MTSS1: variants seen among roughly 807,000 people sequenced by gnomAD.
MTSS1 encodes MTSS I-BAR domain containing 1, also known as protein MTSS 1.
In MTSS1, 18 loss-of-function variants were observed where a neutral mutation model predicts 79.0. The ratio of observed to expected loss-of-function variants is 0.23; its 90% CI spans 0.16 to 0.34. MTSS1 has a LOEUF of 0.34. MTSS1 is among the 10% of genes least tolerant of loss of function. The pLI, the probability that MTSS1 is intolerant of heterozygous loss-of-function variation, is 1.00. For missense variants in MTSS1, 815 were observed against 986.2 expected, an observed-to-expected ratio of 0.83 and a Z score of 2.33; for synonymous variants, 341 against 368.6, an observed-to-expected ratio of 0.93 and a Z score of 0.86.
At chr8:124,718,761 C>T (rs1035814614) in intron 1 of MTSS1, among the ~76,000 whole-genome samples, 1 of 152,154 alleles carries the variant, frequency 6.6e-6, no homozygotes, top group South Asian at 2.1e-4. Context: ...TGGAGCGACC[C>T]TTGACAGAGG....
chr8:124,552,681 G>T lies in MTSS1; in HGVS notation c.*311C>A. On this transcript the variant is annotated 3_prime_UTR_variant, in exon 14 of 14. Coordinates refer to ENST00000518547, the MANE Select transcript of MTSS1 (RefSeq NM_014751.6). ...GTTCCCCTGCCCCAACCCCCTTTAT[G>T]CATTTAAAATTTTACAAAGACTTGT... 3.1e-6 allele frequency: 1 copy of T among 325,320 alleles called. No individual in the cohort carries two copies. Among genetic ancestry groups the T allele is most frequent in the East Asian group, 5.7e-5 (1 of 17,400 alleles). The allele number at this position is 325,320 out of a possible 1,614,324, so 20.2% of individuals were successfully genotyped here. A position where few individuals can be genotyped will look rare whatever the true frequency, so the allele number is the denominator to read the frequency against.
chr8:124,699,754 C>CT (rs1403215582), intron 2 of MTSS1, among the ~76,000 whole-genome samples, 155 bp from the exon 3 acceptor site: 4 of 152,340 alleles, frequency 2.6e-5, no homozygotes, highest in African/African-American at 9.6e-5. Context: ...GCTGAACCCA[C>CT]TTTTTTCCAA....
chr8:124,553,180 C>T lies in MTSS1; in HGVS notation c.2080G>A (p.Glu694Lys). 6.2e-7 allele frequency: 1 copy of T among 1,614,152 alleles called. No homozygotes were observed. The highest frequency in any genetic ancestry group is 8.5e-7 in the Non-Finnish European group (1 of 1,180,028). The change falls in exon 14 of 14, where the codon GAA becomes AAA. Residue 694 changes from glutamate to lysine, a missense_variant. By Grantham distance (56) the Glu-to-Lys change is moderately conservative (BLOSUM62 1). Coordinates refer to ENST00000518547, the MANE Select transcript of MTSS1 (RefSeq NM_014751.6). The surrounding 1 kb of genome is among the most constrained non-coding windows in gnomAD (Gnocchi z 6.0). ...GGTTCCCGTTCCTGGTCTTCAGCTT[C>T]ACTTTCTGGAATTGCCTGTCTGTGC... ...EEHRQAIPES[E>K]AEDQEREPPS...
intron 3 of MTSS1, among the ~76,000 whole-genome samples, chr8:124,643,234 A>G (rs1818383586): frequency 6.6e-6 from 1 of 152,154 alleles, no homozygotes; most frequent in African/African-American, 2.4e-5. Context: ...CTAGGGAAAT[A>G]AGATATGCAA....
chr8:124,714,976 G>A (rs1043908547), intron 1 of MTSS1, among the ~76,000 whole-genome samples: 6 of 152,104 alleles, frequency 3.9e-5, no homozygotes, highest in African/African-American at 1.4e-4. Context: ...CAAAGCTATT[G>A]CTCCATGTGT....
At chr8:124,640,186 T>C (rs16899898) in intron 3 of MTSS1, among the ~76,000 whole-genome samples, 5,822 of 152,314 alleles carry the variant, frequency 0.038, 263 homozygotes, top group East Asian at 0.17. Flanking sequence ...GCCTTCTTGA[T>C]TACCCTACCC....
intron 1 of MTSS1, among the ~76,000 whole-genome samples, chr8:124,723,071 T>C (rs1833176968): frequency 6.6e-6 from 1 of 152,238 alleles, no homozygotes; most frequent in Non-Finnish European, 1.5e-5. Context: ...GACATCATTT[T>C]AGCTTTTTTC....
At position 124,727,768 on chromosome 8, in the gene MTSS1, G is replaced by A. The variant is rs1833949845; in HGVS notation, c.72+116C>T. 2 of 873,418 alleles carry A rather than the reference G, an allele frequency of 2.3e-6. No individual in the cohort carries two copies. Among genetic ancestry groups the A allele is most frequent in the African/African-American group, 1.8e-5 (1 of 56,256 alleles). The allele number at this position is 873,418 out of a possible 1,614,324, so 54.1% of individuals were successfully genotyped here. On this transcript the variant is annotated intron_variant, in intron 1 of 13. Coordinates refer to ENST00000518547, the MANE Select transcript of MTSS1 (RefSeq NM_014751.6). The surrounding 1 kb of genome is among the most constrained non-coding windows in gnomAD (Gnocchi z 4.7). Reference sequence around the variant, plus strand: ...ACTCCGGCCGGGAGCTCCCGCAGGTGGCCGGTGGCCACACTGCAGGGAAGG... The same window carrying A: ...ACTCCGGCCGGGAGCTCCCGCAGGTAGCCGGTGGCCACACTGCAGGGAAGG...
At chr8:124,648,812 C>A (rs7825762) in intron 3 of MTSS1, among the ~76,000 whole-genome samples, 35 of 152,072 alleles carry the variant, frequency 2.3e-4, no homozygotes, top group African/African-American at 7.7e-4. Context: ...CACCACAAGG[C>A]CATCAGTACG....
chr8:124,668,361 A>C (rs376588419), intron 3 of MTSS1, among the ~76,000 whole-genome samples: 39 of 152,312 alleles, frequency 2.6e-4, no homozygotes, highest in African/African-American at 9.1e-4. Context: ...GATCTGCTTC[A>C]TCCAACAGAC....
chr8:124,629,721 C>T (rs1298115570), intron 3 of MTSS1, among the ~76,000 whole-genome samples: 1 of 151,946 alleles, frequency 6.6e-6, no homozygotes, highest in South Asian at 2.1e-4. Flanking sequence ...AGGTAGTTTC[C>T]ATCGTAACAC....
chr8:124,564,129 C>CA (rs56313535), intron 9 of MTSS1, among the ~76,000 whole-genome samples: 15,115 of 87,566 alleles, frequency 0.17, 1,506 homozygotes, highest in East Asian at 0.33. Flanking sequence ...GACCCGATCT[C>CA]AAAAAAAAAA....
At chr8:124,650,657 T>C (rs1023373387) in intron 3 of MTSS1, among the ~76,000 whole-genome samples, 1 of 152,214 alleles carries the variant, frequency 6.6e-6, no homozygotes, top group African/African-American at 2.4e-5. Flanking sequence ...TTAATGCAAC[T>C]GATCCTAACA....
At position 124,552,632 on chromosome 8, in the gene MTSS1, T is replaced by A. The variant is rs1159119486; in HGVS notation, c.*360A>T. On this transcript the variant is annotated 3_prime_UTR_variant, in exon 14 of 14. Transcript: ENST00000518547. ...AAGAAGAGTGAAGTATAGTAAATCC[T>A]TTTCTAAAATTAACTACTTCGTGGT... The A allele has an allele frequency of 4.5e-6, 1 of 224,426 alleles. No individual in the cohort carries two copies. The highest frequency in any genetic ancestry group is 5.1e-5 in the Admixed American group (1 of 19,680). The allele number at this position is 224,426 out of a possible 1,614,324, so 13.9% of individuals were successfully genotyped here.
At chr8:124,703,489 C>T (rs1057104321) in intron 2 of MTSS1, among the ~76,000 whole-genome samples, 19 of 152,252 alleles carry the variant, frequency 1.2e-4, no homozygotes, top group East Asian at 7.7e-4. Flanking sequence ...GATGGGATTT[C>T]GCCATGTTGG....
chr8:124,682,522 C>T (rs1266564334), intron 3 of MTSS1, among the ~76,000 whole-genome samples: 2 of 152,200 alleles, frequency 1.3e-5, no homozygotes, highest in African/African-American at 4.8e-5. Flanking sequence ...TGGATCTGAG[C>T]CTCACGGAAC....
chr8:124,663,856 C>T (rs965769633), intron 3 of MTSS1, among the ~76,000 whole-genome samples: 5 of 152,276 alleles, frequency 3.3e-5, no homozygotes, highest in Admixed American at 6.5e-5. Context: ...GGACAGGAAA[C>T]GCCATGACAG....
intron 6 of MTSS1, chr8:124,580,611 A>G (rs1392683973): frequency 1.3e-5 from 20 of 1,531,918 alleles, no homozygotes; most frequent in Non-Finnish European, 1.7e-5. Context: ...CAATTGACAC[A>G]AAAAGGAAAA....
At chr8:124,641,321 A>G (rs1214124152) in intron 3 of MTSS1, among the ~76,000 whole-genome samples, 1 of 152,244 alleles carries the variant, frequency 6.6e-6, no homozygotes, top group Non-Finnish European at 1.5e-5. Context: ...GAACATTCCT[A>G]TCAGAAAATA....
Sources: allele counts gnomAD v4.1 joint callset (sites outside exome capture counted in the v4.1 genomes callset), GRCh38; gene constraint gnomAD v4.1.1; non-coding constraint Gnocchi (gnomAD v3.1); transcripts MANE v1.5; gene names NCBI Gene and HGNC (gene_info 2026-07-23, HGNC 2026-07-21).